Variants in ARAF observed in about 807,000 individuals in gnomAD.
ARAF encodes the protein serine/threonine-protein kinase A-Raf.
ARAF carries 18 observed loss-of-function variants against 48.0 expected under a neutral mutation model. The observed-to-expected ratio is 0.37, with a 90% CI of 0.26 to 0.56. The LOEUF is 0.56. Among genes scored for constraint, ARAF ranks in the 20% least tolerant of loss-of-function variants. The pLI, the probability that ARAF is intolerant of heterozygous loss-of-function variation, is 0.77. For missense variants in ARAF, 389 were observed against 543.1 expected, an observed-to-expected ratio of 0.72 and a Z score of 2.82; for synonymous variants, 207 against 220.1, an observed-to-expected ratio of 0.94 and a Z score of 0.53.
chrX:47,566,905 A>T lies in ARAF; in HGVS notation c.721A>T (p.Thr241Ser), dbSNP rs2147906153. Residue 241 changes from threonine (T) to serine (S), a missense_variant, in exon 8 of 16, where the codon ACT becomes TCT. Thr to Ser is a moderately conservative substitution (Grantham distance 58). Around this residue, in one of 4 missense-constraint regions of ARAF, gnomAD observed 154 missense variants for 133.6 expected, o/e 1.15. Coordinates refer to ENST00000377045, the MANE Select transcript of ARAF (RefSeq NM_001654.5). ...CTAGCTCACTGGCCAGAGTTTCAGC[A>T]CTGATGGTGAGTCCCCTGTGCCTGC... is the stretch of plus-strand genomic sequence containing the variant. ...LIQLTGQSFSTDAAGSRGGSD... is the reference protein window; with the variant it reads ...LIQLTGQSFSSDAAGSRGGSD... The T allele has an allele frequency of 8.3e-7, 1 of 1,211,207 alleles. No individual in the cohort carries two copies. The highest frequency in any genetic ancestry group is 1.1e-6 in the Non-Finnish European group (1 of 895,366).
intron 9 of ARAF, 46 bp downstream of exon 9, chrX:47,567,177 G>T (rs562812579): frequency 2.5e-6 from 3 of 1,210,030 alleles, no homozygotes; most frequent in Non-Finnish European, 3.4e-6. Context: ...GCTGAGTGAC[G>T]TGGGATGAGG....
In ARAF at chrX:47,567,246, G is replaced by A. The variant is rs2057737697; in HGVS notation, c.890G>A (p.Arg297Gln). 3.3e-6 allele frequency: 4 copies of A among 1,209,763 alleles called. No individual in the cohort carries two copies. ...DKKKVKNLGY[R>Q]DSGYYWEVPP... is the part of the protein sequence containing the mutation. The stretch of plus-strand genomic sequence containing the variant: ...GGCCCACAGAAGAACCTGGGGTACC[G>A]GGACTCAGGCTATTACTGGGAGGTA... The change falls in exon 10 of 16, where the codon CGG becomes CAG. Residue 297 changes from arginine (R) to glutamine (Q), a missense_variant. By Grantham distance (43) the Arg-to-Gln change is conservative. Transcript: ENST00000377045.
intron 14 of ARAF, 182 bp downstream of exon 14, chrX:47,570,206 C>T (rs776490790): frequency 2.0e-6 from 1 of 501,533 alleles, no homozygotes; most frequent in Non-Finnish European, 3.1e-6. Context: ...CTCTGGGTCT[C>T]CCCTACCCCA....
In ARAF at chrX:47,563,019, G is replaced by C; in HGVS notation, c.52G>C (p.Val18Leu). The change falls in exon 2 of 16, where the codon GTG (valine) becomes CTG (leucine). Residue 18 changes from valine to leucine, a missense_variant. Coordinates refer to ENST00000377045, the MANE Select transcript of ARAF (RefSeq NM_001654.5). ...PANGAEPSRAVGTVKVYLPNK... is the reference protein window; with the variant it reads ...PANGAEPSRALGTVKVYLPNK... ...CAATGGGGCCGAGCCATCCCGGGCA[G>C]TGGGCACCGTCAAAGTATACCTGCC... is the stretch of plus-strand genomic sequence containing the variant. 1 of 1,199,405 alleles carries C rather than the reference G, an allele frequency of 8.3e-7. No homozygotes were observed. Among genetic ancestry groups the C allele is most frequent in the African/African-American group, 1.7e-5 (1 of 57,518 alleles).
chrX:47,569,984 C>G lies in ARAF; in HGVS notation c.1511C>G (p.Thr504Ser). 1 of 1,205,840 alleles carries G rather than the reference C, an allele frequency of 8.3e-7. No individual in the cohort carries two copies. Among genetic ancestry groups the G allele is most frequent in the Non-Finnish European group, 1.1e-6 (1 of 892,878 alleles). ...AYGVVLYELM[T>S]GSLPYSHIGC... is the part of the protein sequence containing the mutation. Reference sequence around the variant, plus strand: ...GGGGTTGTGCTCTACGAGCTTATGACTGGCTCACTGCCTTACAGCCACATT... The same window carrying G: ...GGGGTTGTGCTCTACGAGCTTATGAGTGGCTCACTGCCTTACAGCCACATT... The change falls in exon 14 of 16, where the codon ACT (threonine) becomes AGT (serine). Residue 504 changes from threonine to serine, a missense_variant. Transcript: ENST00000377045.
intron 11 of ARAF, 25 bp from the exon 12 acceptor site, chrX:47,568,962 C>T: frequency 8.3e-7 from 1 of 1,201,826 alleles, no homozygotes; most frequent in Non-Finnish European, 1.1e-6. Flanking sequence ...CCCAGCCAAT[C>T]CGCCACCTGC....
In ARAF at chrX:47,566,662, C is replaced by T. The variant is rs781542979; in HGVS notation, c.581C>T (p.Pro194Leu). 72 of 1,177,665 alleles carry T rather than the reference C, an allele frequency of 6.1e-5. No homozygotes were observed. The highest frequency in any genetic ancestry group is 7.9e-5 in the Non-Finnish European group (69 of 877,862). ...AGCCCCCGCACCCAGCACTGTGACC[C>T]GGAGCACTTCCCCTTCCCTGCCCCA... ...GPSPRTQHCD[P>L]EHFPFPAPAN... The change falls in exon 7 of 16, where the codon CCG becomes CTG. Residue 194 changes from proline to leucine, a missense_variant. Physicochemically the swap from Pro to Leu is moderately conservative, Grantham distance 98. This residue lies in a region of ARAF where 154 missense variants were observed against 133.6 expected (regional missense o/e 1.15). Coordinates refer to ENST00000377045, the MANE Select transcript of ARAF (RefSeq NM_001654.5).
Position 47,571,648 on chromosome X carries a change from C to A in ARAF, c.*191C>A. On this transcript the variant is annotated 3_prime_UTR_variant, in exon 16 of 16. Transcript: ENST00000377045. ...TGGGGGACCCCCGCCAAAGACTGAG[C>A]CCCCTGTCTCCTCCATCATTTGGTT... 3.6e-6 allele frequency: 2 copies of A among 559,198 alleles called. No individual in the cohort carries two copies. The highest frequency in any genetic ancestry group is 4.0e-5 in the East Asian group (1 of 24,892). 46.1% of individuals were successfully genotyped at this position (559,198 alleles called of 1,213,427 possible). A position where few individuals can be genotyped will look rare whatever the true frequency, so the allele number is the denominator to read the frequency against.
rs762844944 is a variant in ARAF, at chrX:47,567,186, G to C, written c.874-44G>C. 3 of 1,208,536 alleles carry C rather than the reference G, an allele frequency of 2.5e-6. No individual in the cohort carries two copies. In the African/African-American group the frequency reaches 5.3e-5, roughly 21 times the overall value. On this transcript the variant is annotated intron_variant, in intron 9 of 15. Coordinates refer to ENST00000377045, the MANE Select transcript of ARAF (RefSeq NM_001654.5). ...ACCAAGGCTGAGTGACGTGGGATGA[G>C]GGATGTGGGCAGGCCTCTTAGATGC...
chrX:47,571,119 G>GTT, intron 15 of ARAF, 107 bp downstream of exon 15: 3 of 931,523 alleles, frequency 3.2e-6, no homozygotes, highest in Non-Finnish European at 4.4e-6. Context: ...TAGTGTGTGT[G>GTT]TGTGTGTGTG....
chrX:47,570,076 C>T (rs771600984), intron 14 of ARAF, 52 bp downstream of exon 14: 405 of 1,165,711 alleles, frequency 3.5e-4, no homozygotes, highest in Non-Finnish European at 4.5e-4. Flanking sequence ...TCCCCTCAGG[C>T]ATCCATACCC....
Position 47,563,442 on chromosome X carries a change from G to A in ARAF, c.200+113G>A, listed in dbSNP as rs143523393. ...AGAGTCTTCCATTAGTCTTCCCTTA[G>A]TCTTTAGTCCCCCCTTATCTGCAGG... On this transcript the variant is annotated intron_variant, in intron 3 of 15. Transcript: ENST00000377045. 1,231 of 592,971 alleles carry A rather than the reference G, an allele frequency of 2.1e-3. 12 individuals are homozygous for A. In the African/African-American group the frequency reaches 0.025, roughly 12 times the overall value. 48.9% of individuals were successfully genotyped at this position (592,971 alleles called of 1,213,427 possible).
chrX:47,562,709 T>G (rs2057715291), intron 1 of ARAF, among the ~76,000 whole-genome samples, 200 bp from the exon 2 acceptor site: 1 of 109,416 alleles, frequency 9.1e-6, no homozygotes. Flanking sequence ...CACTCAAGAG[T>G]GAGACAAGCA....
Position 47,565,134 on chromosome X carries a change from C to T in ARAF, c.453C>T (p.Arg151=). ...PTVCVDMSTN[R]QQFYHSVQDL... ...TCTGTGTTGACATGAGTACCAACCGCCAACAGTGAGCCCAGCCTGGGGTGG... is the reference window on the plus strand; with the variant it reads ...TCTGTGTTGACATGAGTACCAACCGTCAACAGTGAGCCCAGCCTGGGGTGG... Residue 151 remains arginine, a synonymous_variant, in exon 5 of 16, where the codon CGC becomes CGT. Transcript: ENST00000377045. The T allele has an allele frequency of 1.7e-6, 2 of 1,211,171 alleles. No individual in the cohort carries two copies. Among genetic ancestry groups the T allele is most frequent in the East Asian group, 5.9e-5 (2 of 33,837 alleles).
At chrX:47,571,109 TAGTGTG>T in intron 15 of ARAF, 97 bp downstream of exon 15, 1 of 963,238 alleles carries the variant, frequency 1.0e-6, no homozygotes, top group Non-Finnish European at 1.4e-6. Flanking sequence ...CTCAGAGGTA[TAGTGTG>T]TGTGTGTGTG....
chrX:47,570,052 C>T (rs1248499413), intron 14 of ARAF, 28 bp downstream of exon 14: 1 of 1,197,869 alleles, frequency 8.3e-7, no homozygotes, highest in South Asian at 1.8e-5. Flanking sequence ...CCCACAGTTC[C>T]CTGGGCTGAG....
At position 47,570,956 on chromosome X, in the gene ARAF, C is replaced by T. The variant is rs763351013; in HGVS notation, c.1630C>T (p.Arg544Cys). The change falls in exon 15 of 16, where the codon CGC (arginine) becomes TGC (cysteine). Residue 544 changes from arginine (R) to cysteine (C), a missense_variant. By Grantham distance (180) the Arg-to-Cys change is radical (BLOSUM62 -3). This residue lies in a region of ARAF where 170 missense variants were observed against 281.4 expected (regional missense o/e 0.60). Transcript: ENST00000377045. ...ISSNCPKAMR[R>C]LLSDCLKFQR... is the part of the protein sequence containing the mutation. The stretch of plus-strand genomic sequence containing the variant: ...CAGCAACTGCCCCAAGGCCATGCGG[C>T]GCCTGCTGTCTGACTGCCTCAAGTT... 7 of 1,210,720 alleles carry T rather than the reference C, an allele frequency of 5.8e-6. No homozygotes were observed. The highest frequency in any genetic ancestry group is 3.5e-5 in the South Asian group (2 of 56,801).
At position 47,569,655 on chromosome X, in the gene ARAF, A is replaced by C; in HGVS notation, c.1417A>C (p.Met473Leu). 8.3e-7 allele frequency: 1 copy of C among 1,206,364 alleles called. No homozygotes were observed. The highest frequency in any genetic ancestry group is 3.0e-5 in the East Asian group (1 of 33,713). ...GCAGCCCTCAGGATCTGTGCTGTGG[A>C]TGGTGAGTTGGGCCAGGCTGGATGG... ...LEQPSGSVLW[M>L]AAEVIRMQDP... The change falls in exon 13 of 16, where the codon ATG (methionine) becomes CTG (leucine). Residue 473 changes from methionine to leucine, a missense_variant and splice_region_variant. Coordinates refer to ENST00000377045, the MANE Select transcript of ARAF (RefSeq NM_001654.5).
intron 4 of ARAF, 22 bp downstream of exon 4, chrX:47,564,921 G>C: frequency 8.3e-7 from 1 of 1,210,462 alleles, no homozygotes; most frequent in Admixed American, 2.2e-5. Flanking sequence ...GTGGACGGTG[G>C]GGGTGGACCA....
Sources: gnomAD v4.1 joint callset for allele counts (sites outside exome capture counted in the v4.1 genomes callset) on GRCh38, gnomAD v4.1.1 for gene constraint, gnomAD v4.1.1 regional missense constraint, MANE v1.5 for transcripts, NCBI Gene and HGNC (gene_info 2026-07-23, HGNC 2026-07-21) for gene names.